Variants in CAB39L observed in about 807,000 individuals in gnomAD.
CAB39L encodes calcium binding protein 39 like, also known as calcium-binding protein 39-like.
CAB39L carries 23 observed loss-of-function variants against 39.1 expected under a neutral mutation model. The observed-to-expected ratio is 0.59, with a 90% CI of 0.42 to 0.83. The LOEUF (loss-of-function observed/expected upper bound fraction) is 0.83, where lower values mean the gene tolerates loss of function less well. CAB39L is among the 40% of genes least tolerant of loss of function. The probability of loss-of-function intolerance (pLI) is 0.00; values close to 1 mark genes in which losing one functional copy is unlikely to be tolerated. For missense variants in CAB39L, 366 were observed against 391.9 expected, an observed-to-expected ratio of 0.93 and a Z score of 0.56; for synonymous variants, 126 against 137.2, an observed-to-expected ratio of 0.92 and a Z score of 0.57.
chr13:49,318,189 T>C (rs1029925178), intron 10 of CAB39L, among the ~76,000 whole-genome samples: 6 of 151,812 alleles, frequency 4.0e-5, no homozygotes, highest in African/African-American at 1.5e-4. Flanking sequence ...GGGCCAGGAA[T>C]GATGGCTCAT....
intron 8 of CAB39L, among the ~76,000 whole-genome samples, chr13:49,342,378 T>A (rs577637574): frequency 1.3e-4 from 20 of 152,242 alleles, no homozygotes; most frequent in Non-Finnish European, 2.9e-4. Context: ...TACCTTAATT[T>A]ACTTATTACT....
rs1249131644 is a variant in CAB39L, at chr13:49,428,575, C to A, written c.-32+4743G>T. 2.6e-5 allele frequency among the ~76,000 whole-genome samples: 4 copies of A among 152,016 alleles called. No homozygotes were observed. In the East Asian group the frequency reaches 7.7e-4, roughly 29 times the overall value. ...GCTGCAGTGGCTTGGCAATTCCAGG[C>A]AGAGTCTCATTTACAACACCCAAAT... On this transcript the variant is annotated intron_variant, in intron 3 of 10. Coordinates refer to ENST00000409308, the MANE Select transcript of CAB39L (RefSeq NM_001079670.3).
intron 1 of CAB39L, among the ~76,000 whole-genome samples, chr13:49,441,483 C>G (rs1957522170): frequency 6.6e-6 from 1 of 151,774 alleles, no homozygotes; most frequent in South Asian, 2.1e-4. Context: ...GGGAGGTTCA[C>G]TTGAGCCTGG....
At chr13:49,324,743 G>A (rs1229823008) in intron 10 of CAB39L, among the ~76,000 whole-genome samples, 2 of 152,134 alleles carry the variant, frequency 1.3e-5, no homozygotes, top group Non-Finnish European at 2.9e-5. Flanking sequence ...ATTTTGTCAG[G>A]GAAAGTGTTC....
At chr13:49,409,081 A>C (rs1956938597) in intron 3 of CAB39L, among the ~76,000 whole-genome samples, 1 of 152,244 alleles carries the variant, frequency 6.6e-6, no homozygotes, top group Admixed American at 6.5e-5. Flanking sequence ...AAGAATTCAT[A>C]TTCCCTAAAT....
chr13:49,324,090 T>A (rs997522903), intron 10 of CAB39L, among the ~76,000 whole-genome samples: 3 of 151,946 alleles, frequency 2.0e-5, no homozygotes, highest in Admixed American at 6.6e-5. Context: ...GGGAGGCAGA[T>A]CACTTGAGGT....
chr13:49,381,680 T>C (rs1419831821), intron 4 of CAB39L, among the ~76,000 whole-genome samples: 1 of 152,238 alleles, frequency 6.6e-6, no homozygotes, highest in Non-Finnish European at 1.5e-5. Flanking sequence ...TACTGTTGCA[T>C]GTAGGCAGAA....
chr13:49,378,564 G>T, intron 4 of CAB39L, among the ~76,000 whole-genome samples: 1 of 73,206 alleles, frequency 1.4e-5, no homozygotes, highest in African/African-American at 8.0e-5. Context: ...CACCCGGCCA[G>T]CCGCCCCGTC....
Position 49,377,059 on chromosome 13 carries a change from G to A in CAB39L, c.184C>T (p.Pro62Ser), listed in dbSNP as rs1346369313. 1.9e-6 allele frequency: 3 copies of A among 1,613,424 alleles called. No homozygotes were observed. Among genetic ancestry groups the A allele is most frequent in the Non-Finnish European group, 1.7e-6 (2 of 1,179,550 alleles). ...GCTAGCTGAGCCACTGCTTCTGTTGGGGGTTCTTTCTCGTTTGTACCACAC... is the reference window on the plus strand; with the variant it reads ...GCTAGCTGAGCCACTGCTTCTGTTGAGGGTTCTTTCTCGTTTGTACCACAC... Reference protein sequence around the residue: ...ILCGTNEKEPPTEAVAQLAQE... With the variant: ...ILCGTNEKEPSTEAVAQLAQE... The change falls in exon 5 of 11, where the codon CCA becomes TCA. Residue 62 changes from proline to serine, a missense_variant. Pro to Ser is a moderately conservative substitution (Grantham distance 74). Transcript: ENST00000409308.
At chr13:49,343,951 C>G (rs193254977) in intron 8 of CAB39L, among the ~76,000 whole-genome samples, 2 of 152,292 alleles carry the variant, frequency 1.3e-5, no homozygotes, top group Admixed American at 6.5e-5. Context: ...ATTTATTGAG[C>G]TTCAGAGCAC....
intron 7 of CAB39L, among the ~76,000 whole-genome samples, chr13:49,345,909 T>A (rs1159543245): frequency 6.6e-6 from 1 of 151,698 alleles, no homozygotes; most frequent in Non-Finnish European, 1.5e-5. Context: ...AAAGGTTGTG[T>A]CATACATTAG....
intron 8 of CAB39L, among the ~76,000 whole-genome samples, chr13:49,341,570 A>G (rs1446857190): frequency 6.6e-6 from 1 of 152,198 alleles, no homozygotes; most frequent in Admixed American, 6.5e-5. Context: ...GAATGAGGTT[A>G]TCAGAGGCTG....
In CAB39L at chr13:49,382,879, T is replaced by G. The variant is rs1459198478; in HGVS notation, c.32A>C (p.His11Pro). MKKMPLFSKSHKNPAEIVKIL... is the reference protein window; with the variant it reads MKKMPLFSKSPKNPAEIVKIL... ...TTTCACAATTTCTGCTGGATTTTTG[T>G]GTGATTTACTAAACAAAGGCATTTT... Residue 11 changes from histidine (H) to proline (P), a missense_variant, in exon 4 of 11, where the codon CAC (histidine) becomes CCC (proline). His to Pro is a moderately conservative substitution (Grantham distance 77, BLOSUM62 -2). Transcript: ENST00000409308. 1.2e-6 allele frequency: 2 copies of G among 1,611,862 alleles called. No homozygotes were observed. Among genetic ancestry groups the G allele is most frequent in the East Asian group, 4.5e-5 (2 of 44,692 alleles).
chr13:49,357,432 G>T (rs1233588875), intron 6 of CAB39L, among the ~76,000 whole-genome samples: 1 of 152,218 alleles, frequency 6.6e-6, no homozygotes, highest in Non-Finnish European at 1.5e-5. Flanking sequence ...AAAACAGGAT[G>T]TGAAGGAATG....
intron 3 of CAB39L, among the ~76,000 whole-genome samples, chr13:49,422,389 A>G (rs189220021): frequency 6.6e-6 from 1 of 152,292 alleles, no homozygotes; most frequent in African/African-American, 2.4e-5. Flanking sequence ...CCTGGCCAAC[A>G]TGGCAAAACC....
chr13:49,351,438 G>A (rs901491041), intron 6 of CAB39L, among the ~76,000 whole-genome samples: 5 of 152,132 alleles, frequency 3.3e-5, no homozygotes, highest in African/African-American at 1.2e-4. Flanking sequence ...TGTGTGATTC[G>A]ATTGTAGAGG....
At chr13:49,410,739 A>C (rs570761989) in intron 3 of CAB39L, among the ~76,000 whole-genome samples, 1 of 152,364 alleles carries the variant, frequency 6.6e-6, no homozygotes, top group Non-Finnish European at 1.5e-5. Context: ...TCAAAGTCAA[A>C]GCCATTTATG....
intron 4 of CAB39L, among the ~76,000 whole-genome samples, chr13:49,377,876 C>T (rs1956125358): frequency 2.4e-5 from 2 of 84,636 alleles, no homozygotes; most frequent in Non-Finnish European, 4.7e-5. Context: ...AGGAGCGTCT[C>T]CGCCCGGCCG....
At chr13:49,314,932 A>G (rs1008049865) in intron 10 of CAB39L, among the ~76,000 whole-genome samples, 1 of 152,196 alleles carries the variant, frequency 6.6e-6, no homozygotes, top group Non-Finnish European at 1.5e-5. Context: ...GAACACATAC[A>G]TTGTTGCAAA....
Sources: gnomAD v4.1 joint callset for allele counts (sites outside exome capture counted in the v4.1 genomes callset) on GRCh38, gnomAD v4.1.1 for gene constraint, MANE v1.5 for transcripts, NCBI Gene and HGNC (gene_info 2026-07-23, HGNC 2026-07-21) for gene names.